The following VPS35L variants were observed in gnomAD, a reference collection of about 807,000 sequenced individuals.
The protein encoded by VPS35L is VPS35 endosomal protein-sorting factor-like.
In VPS35L, 83 loss-of-function variants were observed where a neutral mutation model predicts 133.0. That is an observed-to-expected ratio of 0.62 (90% CI 0.52 to 0.75). VPS35L has a LOEUF of 0.75. Ranked by LOEUF, VPS35L falls within the 30% of genes least tolerant of loss-of-function variation. VPS35L has a pLI of 0.00. For missense variants in VPS35L, 1,083 were observed against 1,206.8 expected (o/e 0.90, Z 1.52); for synonymous variants, 423 against 449.9 (o/e 0.94, Z 0.76).
chr16:19,660,733 G>C (rs1974456062), intron 26 of VPS35L, among the ~76,000 whole-genome samples: 1 of 152,100 alleles, frequency 6.6e-6, no homozygotes. Flanking sequence ...CATGTATTGA[G>C]GGTGTTTGGT....
chr16:19,691,717 T>C (rs1975695088), intron 29 of VPS35L, among the ~76,000 whole-genome samples: 1 of 152,102 alleles, frequency 6.6e-6, no homozygotes, highest in South Asian at 2.1e-4. Context: ...AAGGACCTCC[T>C]CAGGCCTTCC....
Position 19,633,236 on chromosome 16 carries a change from CGT to C in VPS35L, c.1635+67_1635+68del. ...ATTTTGTTCTGTTGAATTAAATAGG[CGT>C]GTTGTATGGGTCAGGCTATAAAGGC... On this transcript the variant is annotated intron_variant, in intron 19 of 30. Coordinates refer to ENST00000417362, the MANE Select transcript of VPS35L (RefSeq NM_020314.7). The surrounding 1 kb of genome is among the most constrained non-coding windows in gnomAD (Gnocchi z 4.1). The C allele has an allele frequency of 7.1e-7, 1 of 1,414,484 alleles. No individual in the cohort carries two copies. The highest frequency in any genetic ancestry group is 1.0e-6 in the Non-Finnish European group (1 of 999,118). The allele number at this position is 1,414,484 out of a possible 1,614,324, so 87.6% of individuals were successfully genotyped here. A position where few individuals can be genotyped will look rare whatever the true frequency, so the allele number is the denominator to read the frequency against.
chr16:19,620,442 G>A (rs1284042298), intron 14 of VPS35L, among the ~76,000 whole-genome samples: 1 of 152,040 alleles, frequency 6.6e-6, no homozygotes, highest in African/African-American at 2.4e-5. Flanking sequence ...TTATGTAAAT[G>A]GGAGAAGCTG....
intron 27 of VPS35L, among the ~76,000 whole-genome samples, chr16:19,679,511 A>ATTTT (rs1567481552): frequency 9.2e-6 from 1 of 109,004 alleles, no homozygotes; most frequent in Non-Finnish European, 1.8e-5. Flanking sequence ...TTATTTATTT[A>ATTTT]TTTATTTTTT....
rs559075126 is a variant in VPS35L, at chr16:19,635,605, A to C, written c.1636-1989A>C. 1.9e-3 allele frequency among the ~76,000 whole-genome samples: 283 copies of C among 152,314 alleles called. 1 individual carries two copies. The highest frequency in any genetic ancestry group is 5.7e-3 in the African/African-American group (238 of 41,582). ...GATAGATGAGATCAAATTAGTTTAG[A>C]TTTCATTATATCAGTGTTAACTTTC... On this transcript the variant is annotated intron_variant, in intron 19 of 30. Coordinates refer to ENST00000417362, the MANE Select transcript of VPS35L (RefSeq NM_020314.7).
chr16:19,692,377 T>G (rs1469813736), intron 29 of VPS35L, among the ~76,000 whole-genome samples: 1 of 152,106 alleles, frequency 6.6e-6, no homozygotes, highest in Non-Finnish European at 1.5e-5. Flanking sequence ...CCCTGTGAGA[T>G]GTAGATGCTG....
intron 7 of VPS35L, among the ~76,000 whole-genome samples, chr16:19,587,551 T>C (rs1439300055): frequency 6.6e-6 from 1 of 151,620 alleles, no homozygotes; most frequent in Non-Finnish European, 1.5e-5. Context: ...GGAGAATCAC[T>C]TGAACCCAGG....
intron 26 of VPS35L, among the ~76,000 whole-genome samples, chr16:19,653,951 C>T (rs1032024847): frequency 6.6e-6 from 1 of 152,126 alleles, no homozygotes; most frequent in Non-Finnish European, 1.5e-5. Flanking sequence ...ACACTTGCCT[C>T]TTGATTTCCC....
rs1194682129 is a variant in VPS35L, at chr16:19,633,525, CT to C, written c.1635+362del. On this transcript the variant is annotated intron_variant, in intron 19 of 30. Coordinates refer to ENST00000417362, the MANE Select transcript of VPS35L (RefSeq NM_020314.7). The surrounding 1 kb of genome is among the most constrained non-coding windows in gnomAD (Gnocchi z 4.1). ...TTAGTTAAATCAACTTTGTTTTTTC[CT>C]TTTTTTTTGAAACAGGGTCTCGCTC... Among the ~76,000 whole-genome samples, 8 of 151,234 alleles carry C rather than the reference CT, an allele frequency of 5.3e-5. No homozygotes were observed. Among genetic ancestry groups the C allele is most frequent in the African/African-American group, 1.2e-4 (5 of 41,178 alleles).
chr16:19,617,096 C>G, intron 14 of VPS35L: 2 of 599,124 alleles, frequency 3.3e-6, no homozygotes, highest in East Asian at 5.5e-5. Flanking sequence ...GTGCTCATAT[C>G]TGTAATCCCA....
intron 29 of VPS35L, among the ~76,000 whole-genome samples, chr16:19,691,837 C>T (rs1362601066): frequency 1.3e-5 from 2 of 151,982 alleles, no homozygotes; most frequent in African/African-American, 2.4e-5. Flanking sequence ...CCCTCAGCTC[C>T]CTGACTAGAA....
intron 23 of VPS35L, among the ~76,000 whole-genome samples, chr16:19,647,239 T>C (rs1973979559): frequency 6.6e-6 from 1 of 152,218 alleles, no homozygotes; most frequent in African/African-American, 2.4e-5. Context: ...CAAGTTATTA[T>C]GGAAAAGAAT....
intron 12 of VPS35L, chr16:19,611,608 T>C (rs1972722790): frequency 6.6e-6 from 1 of 152,144 alleles, no homozygotes; most frequent in Non-Finnish European, 1.5e-5. Flanking sequence ...ACTAAGTCAG[T>C]GCCCTCAGAG....
rs151127999 is a variant in VPS35L at position 19,635,896 on chromosome 16, A to G, written c.1636-1698A>G. ...AGTCTGAAATTATTTCAAAATAAAA[A>G]GTTAAAGCCAGGTGAAGTGGCTCAC... On this transcript the variant is annotated intron_variant, in intron 19 of 30. Coordinates refer to ENST00000417362, the MANE Select transcript of VPS35L (RefSeq NM_020314.7). Among the ~76,000 whole-genome samples the G allele has an allele frequency of 2.8e-3, 427 of 152,336 alleles. 3 individuals are homozygous for G. Among genetic ancestry groups the G allele is most frequent in the African/African-American group, 9.9e-3 (412 of 41,580 alleles).
At position 19,570,838 on chromosome 16, in the gene VPS35L, T is replaced by TC. The variant is rs1567388425; in HGVS notation, c.285+1247_285+1248insC. Reference sequence around the variant, plus strand: ...TCATCATCCTATGCTGTGTTTCATATATATATATATATATATATATATATA... The same window carrying TC: ...TCATCATCCTATGCTGTGTTTCATATCATATATATATATATATATATATATA... On this transcript the variant is annotated intron_variant, in intron 3 of 30. Transcript: ENST00000417362. 6.2e-3 allele frequency among the ~76,000 whole-genome samples: 15 copies of TC among 2,436 alleles called. No individual in the cohort carries two copies. In the African/African-American group the frequency reaches 0.073, roughly 12 times the overall value. 1.6% of individuals were successfully genotyped at this position (2,436 alleles called of 152,430 possible).
chr16:19,555,827 A>G (rs1970834411), intron 1 of VPS35L, 81 bp downstream of exon 1: 4 of 1,495,312 alleles, frequency 2.7e-6, no homozygotes, highest in Non-Finnish European at 3.6e-6. Context: ...GAGAGTGTGA[A>G]TTCCTCTCTG....
intron 3 of VPS35L, among the ~76,000 whole-genome samples, chr16:19,570,877 A>ATTT (rs1567388802): frequency 7.4e-5 from 4 of 53,730 alleles, no homozygotes; most frequent in African/African-American, 3.9e-4. Context: ...ATATATATAT[A>ATTT]TATATATATA....
Position 19,564,814 on chromosome 16 carries a change from C to T in VPS35L, c.18-37C>T, listed in dbSNP as rs765711055. On this transcript the variant is annotated intron_variant, in intron 1 of 30. Transcript: ENST00000417362. ...AGAAGTTTTTAGTGTTTTAAGTACC[C>T]CCATCCACTAATTGGCTGTGTTTCG... 5 of 1,436,878 alleles carry T rather than the reference C, an allele frequency of 3.5e-6. No homozygotes were observed. The African/African-American group carries it at 7.0e-5, about 20-fold the overall frequency. The allele number at this position is 1,436,878 out of a possible 1,614,324, so 89.0% of individuals were successfully genotyped here. A position where few individuals can be genotyped will look rare whatever the true frequency, so the allele number is the denominator to read the frequency against.
chr16:19,685,164 C>T (rs1975415745), intron 28 of VPS35L, among the ~76,000 whole-genome samples: 2 of 152,176 alleles, frequency 1.3e-5, no homozygotes, highest in African/African-American at 4.8e-5. Context: ...TAACCACAGT[C>T]CAGATCAAGA....
Sources: gnomAD v4.1 joint callset for allele counts (sites outside exome capture counted in the v4.1 genomes callset) on GRCh38, gnomAD v4.1.1 for gene constraint, Gnocchi (gnomAD v3.1) non-coding constraint, MANE v1.5 for transcripts, NCBI Gene and HGNC (gene_info 2026-07-23, HGNC 2026-07-21) for gene names.